TM9SF3: variants seen among roughly 807,000 people sequenced by gnomAD.
TM9SF3 encodes SM-11044-binding protein.
A neutral mutation model predicts 78.6 loss-of-function variants in TM9SF3; 14 were observed. The observed-to-expected ratio is 0.18, with a 90% CI of 0.12 to 0.28. The LOEUF (loss-of-function observed/expected upper bound fraction) is 0.28, where lower values mean the gene tolerates loss of function less well. TM9SF3 is among the 10% of genes least tolerant of loss of function. TM9SF3 has a pLI of 1.00. For missense variants in TM9SF3, 496 were observed against 721.9 expected (o/e 0.69, Z 3.59); for synonymous variants, 231 against 241.7 (o/e 0.96, Z 0.41).
At chr10:96,538,892 T>C (rs952351131) in intron 9 of TM9SF3, among the ~76,000 whole-genome samples, 11 of 152,220 alleles carry the variant, frequency 7.2e-5, no homozygotes, top group South Asian at 2.1e-4. Flanking sequence ...TGTGGAACAA[T>C]TGGAATTTTC....
At chr10:96,548,392 C>T (rs1015255280) in intron 7 of TM9SF3, among the ~76,000 whole-genome samples, 2 of 152,172 alleles carry the variant, frequency 1.3e-5, no homozygotes, top group African/African-American at 4.8e-5. Flanking sequence ...GATTCAACTG[C>T]TTATGAATCT....
chr10:96,583,299 C>G (rs933189923), intron 1 of TM9SF3, among the ~76,000 whole-genome samples: 1 of 152,120 alleles, frequency 6.6e-6, no homozygotes, highest in African/African-American at 2.4e-5. Flanking sequence ...AAATTTAAAA[C>G]TTCAAGATGT....
At position 96,547,945 on chromosome 10, in the gene TM9SF3, G is replaced by A. The variant is rs1326896260; in HGVS notation, c.1004C>T (p.Thr335Met). Residue 335 changes from threonine (T) to methionine (M), a missense_variant, in exon 8 of 15, where the codon ACG becomes ATG. Physicochemically the swap from Thr to Met is moderately conservative, Grantham distance 81 (BLOSUM62 -1). Transcript: ENST00000371142. ...TCCAAAATAACCATTCACTGGAGACGTAGCAGCATAGACAAATATGGCTGT... is the reference window on the plus strand; with the variant it reads ...TCCAAAATAACCATTCACTGGAGACATAGCAGCATAGACAAATATGGCTGT... ...LSTAIFVYAATSPVNGYFGGS... is the reference protein window; with the variant it reads ...LSTAIFVYAAMSPVNGYFGGS... 9 of 1,613,602 alleles carry A rather than the reference G, an allele frequency of 5.6e-6. No individual in the cohort carries two copies. Among genetic ancestry groups the A allele is most frequent in the South Asian group, 4.4e-5 (4 of 91,034 alleles).
At chr10:96,532,354 A>G (rs1847908011) in intron 10 of TM9SF3, among the ~76,000 whole-genome samples, 1 of 152,096 alleles carries the variant, frequency 6.6e-6, no homozygotes, top group African/African-American at 2.4e-5. Flanking sequence ...TTCATCCTCC[A>G]TTTCTATAAA....
At position 96,522,163 on chromosome 10, in the gene TM9SF3, T is replaced by A; in HGVS notation, c.*100A>T. ...AGAGACCCACAAAGTACCCAGTGTGTTAAAGCCCAAATCTCTTCTTGCGTT... is the reference window on the plus strand; with the variant it reads ...AGAGACCCACAAAGTACCCAGTGTGATAAAGCCCAAATCTCTTCTTGCGTT... On this transcript the variant is annotated 3_prime_UTR_variant, in exon 15 of 15. Coordinates refer to ENST00000371142, the MANE Select transcript of TM9SF3 (RefSeq NM_020123.4). 9.8e-7 allele frequency: 1 copy of A among 1,022,712 alleles called. No homozygotes were observed. Among genetic ancestry groups the A allele is most frequent in the Non-Finnish European group, 1.5e-6 (1 of 679,338 alleles). The allele number at this position is 1,022,712 out of a possible 1,614,324, so 63.4% of individuals were successfully genotyped here. A position where few individuals can be genotyped will look rare whatever the true frequency, so the allele number is the denominator to read the frequency against.
Position 96,569,231 on chromosome 10 carries a change from T to A in TM9SF3, c.299-3805A>T, listed in dbSNP as rs1005557286. Among the ~76,000 whole-genome samples, 13 of 152,228 alleles carry A rather than the reference T, an allele frequency of 8.5e-5. 1 individual carries two copies. Among genetic ancestry groups the A allele is most frequent in the Non-Finnish European group, 1.8e-4 (12 of 68,032 alleles). The stretch of plus-strand genomic sequence containing the variant: ...TCACAGAAAGTGTTCTTAAGTTTCC[T>A]TGGGCCTCACACCCCTTTGAGAATC... On this transcript the variant is annotated intron_variant, in intron 2 of 14. Coordinates refer to ENST00000371142, the MANE Select transcript of TM9SF3 (RefSeq NM_020123.4).
At chr10:96,561,956 A>G in intron 4 of TM9SF3, 22 bp downstream of exon 4, 1 of 1,594,216 alleles carries the variant, frequency 6.3e-7, no homozygotes, top group Non-Finnish European at 8.5e-7. Flanking sequence ...TACTTCCTAC[A>G]TTAAACTATT....
Position 96,576,617 on chromosome 10 carries a change from T to G in TM9SF3, c.298+17A>C. ...ACAATCCAAATTGCATTGTAAGGAC[T>G]ATTAAGGTTTACTTACCTTTAAATT... On this transcript the variant is annotated intron_variant, in intron 2 of 14. Transcript: ENST00000371142. 1.3e-6 allele frequency: 2 copies of G among 1,566,802 alleles called. No individual in the cohort carries two copies. Among genetic ancestry groups the G allele is most frequent in the Non-Finnish European group, 1.7e-6 (2 of 1,161,890 alleles).
Position 96,543,921 on chromosome 10 carries a change from C to A in TM9SF3, c.1185+155G>T, listed in dbSNP as rs1037090413. 1.1e-5 allele frequency: 7 copies of A among 638,618 alleles called. No homozygotes were observed. In the Admixed American group the frequency reaches 1.6e-4, roughly 14 times the overall value. 39.6% of individuals were successfully genotyped at this position (638,618 alleles called of 1,614,324 possible). ...TTAACCAAAATTTTATGGAGGCTAA[C>A]AACAGTAGTATTCTCCTCATCTAAC... On this transcript the variant is annotated intron_variant, in intron 9 of 14. Transcript: ENST00000371142.
rs1405494553 is a variant in TM9SF3, at chr10:96,520,441, A to G, written c.*1822T>C. The G allele has an allele frequency of 6.5e-6, 1 of 153,948 alleles. No homozygotes were observed. Among genetic ancestry groups the G allele is most frequent in the Non-Finnish European group, 1.4e-5 (1 of 69,280 alleles). The allele number at this position is 153,948 out of a possible 1,614,324, so 9.5% of individuals were successfully genotyped here. A position where few individuals can be genotyped will look rare whatever the true frequency, so the allele number is the denominator to read the frequency against. ...TTACATGTCACAATATAGGATGTAG[A>G]GTCCATCAATAGATAGGTACATATT... On this transcript the variant is annotated 3_prime_UTR_variant, in exon 15 of 15. Coordinates refer to ENST00000371142, the MANE Select transcript of TM9SF3 (RefSeq NM_020123.4).
At chr10:96,564,196 G>A (rs1848344146) in intron 3 of TM9SF3, among the ~76,000 whole-genome samples, 1 of 151,770 alleles carries the variant, frequency 6.6e-6, no homozygotes, top group African/African-American at 2.4e-5. Context: ...GGAGACCAAG[G>A]GAGAAGGATC....
intron 5 of TM9SF3, among the ~76,000 whole-genome samples, chr10:96,553,348 CTA>C (rs1848196584): frequency 6.6e-6 from 1 of 152,148 alleles, no homozygotes; most frequent in Non-Finnish European, 1.5e-5. Flanking sequence ...GCCATATAAC[CTA>C]TGCTATTCAG....
intron 11 of TM9SF3, among the ~76,000 whole-genome samples, chr10:96,528,953 C>A (rs561492950): frequency 2.0e-5 from 3 of 151,924 alleles, no homozygotes; most frequent in Non-Finnish European, 4.4e-5. Context: ...ACTTTGGCTA[C>A]CAAATGGGTA....
intron 9 of TM9SF3, among the ~76,000 whole-genome samples, chr10:96,537,108 T>A (rs1187657482): frequency 6.6e-6 from 1 of 152,188 alleles, no homozygotes; most frequent in Middle Eastern, 3.2e-3. Flanking sequence ...TTGGGGAGAT[T>A]TTCAGTTGTA....
intron 5 of TM9SF3, among the ~76,000 whole-genome samples, chr10:96,556,677 C>A (rs1375993264): frequency 1.3e-5 from 2 of 152,026 alleles, no homozygotes; most frequent in African/African-American, 4.8e-5. Context: ...AAAGAAAAAT[C>A]TCCTAATTCC....
At chr10:96,551,616 T>C (rs1176937897) in intron 6 of TM9SF3, among the ~76,000 whole-genome samples, 1 of 152,228 alleles carries the variant, frequency 6.6e-6, no homozygotes, top group Non-Finnish European at 1.5e-5. Flanking sequence ...GGAAGTTGAC[T>C]TCTGGTTGTG....
chr10:96,561,527 C>G lies in TM9SF3; in HGVS notation c.582+451G>C, dbSNP rs534731081. ...CTTGACAGTTGCTAAAAGGCTCTGACAAGCTCTCACTGTGCAGGAGTATAT... is the reference window on the plus strand; with the variant it reads ...CTTGACAGTTGCTAAAAGGCTCTGAGAAGCTCTCACTGTGCAGGAGTATAT... On this transcript the variant is annotated intron_variant, in intron 4 of 14. Coordinates refer to ENST00000371142, the MANE Select transcript of TM9SF3 (RefSeq NM_020123.4). Among the ~76,000 whole-genome samples, 10 of 152,324 alleles carry G rather than the reference C, an allele frequency of 6.6e-5. No homozygotes were observed. In the South Asian group the frequency reaches 2.1e-3, roughly 32 times the overall value.
Position 96,562,115 on chromosome 10 carries a change from T to C in TM9SF3, c.445A>G (p.Asn149Asp). 1 of 1,612,626 alleles carries C rather than the reference T, an allele frequency of 6.2e-7. No homozygotes were observed. Among genetic ancestry groups the C allele is most frequent in the Non-Finnish European group, 8.5e-7 (1 of 1,179,414 alleles). Residue 149 changes from asparagine to aspartate, a missense_variant, in exon 4 of 15, where the codon AAT (asparagine) becomes GAT (aspartate). This residue lies in a region of TM9SF3 where 155 missense variants were observed against 241.6 expected (regional missense o/e 0.64). Transcript: ENST00000371142. ...IWGIVGEADE[N>D]GEDYYLWTYK... ...GTCCAAAGATAGTAATCTTCTCCATTTTCATCAGCCTCACCAACAATACCT... is the reference window on the plus strand; with the variant it reads ...GTCCAAAGATAGTAATCTTCTCCATCTTCATCAGCCTCACCAACAATACCT...
intron 1 of TM9SF3, among the ~76,000 whole-genome samples, chr10:96,582,395 T>C (rs752592939): frequency 1.3e-5 from 2 of 152,192 alleles, no homozygotes; most frequent in Non-Finnish European, 2.9e-5. Flanking sequence ...AATTATTGAG[T>C]CTTTCTAGTT....
Sources: gnomAD v4.1 joint callset for allele counts (sites outside exome capture counted in the v4.1 genomes callset) on GRCh38, gnomAD v4.1.1 for gene constraint, gnomAD v4.1.1 regional missense constraint, MANE v1.5 for transcripts, NCBI Gene and HGNC (gene_info 2026-07-23, HGNC 2026-07-21) for gene names.